Variants in NR3C1 observed in about 807,000 individuals in gnomAD.
NR3C1 encodes glucocorticoid receptor.
NR3C1 carries 14 observed loss-of-function variants against 74.0 expected under a neutral mutation model. The ratio of observed to expected loss-of-function variants is 0.19; its 90% CI spans 0.12 to 0.30. The LOEUF is 0.30. NR3C1 is among the 10% of genes least tolerant of loss of function. The probability of loss-of-function intolerance (pLI) is 1.00; values close to 1 mark genes in which losing one functional copy is unlikely to be tolerated. For missense variants in NR3C1, 695 were observed against 909.8 expected, an observed-to-expected ratio of 0.76 and a Z score of 3.04; for synonymous variants, 308 against 332.5, an observed-to-expected ratio of 0.93 and a Z score of 0.80.
intron 2 of NR3C1, among the ~76,000 whole-genome samples, chr5:143,336,801 T>C (rs1383667541): frequency 6.6e-6 from 1 of 151,662 alleles, no homozygotes; most frequent in African/African-American, 2.4e-5. Context: ...CCTGTCAACA[T>C]GGCGAAACCC....
intron 2 of NR3C1, among the ~76,000 whole-genome samples, chr5:143,346,734 T>C (rs925282593): frequency 1.3e-5 from 2 of 152,214 alleles, no homozygotes; most frequent in African/African-American, 4.8e-5. Context: ...TTCAAAAACT[T>C]AACACAACTA....
At chr5:143,289,652 T>C (rs780034639) in intron 7 of NR3C1, among the ~76,000 whole-genome samples, 3 of 152,146 alleles carry the variant, frequency 2.0e-5, no homozygotes, top group African/African-American at 4.8e-5. Flanking sequence ...AAGGGCCACA[T>C]TGAGAATATT....
rs201307753 is a variant in NR3C1, at chr5:143,373,908, TG to T, written c.1184+25747del. On this transcript the variant is annotated intron_variant, in intron 2 of 8. Coordinates refer to ENST00000394464, the MANE Select transcript of NR3C1 (RefSeq NM_000176.3). ...TCTTACACACATATATTTTCCTATG[TG>T]TATGAAATAAAAAAAATTTAAAAAA... is the stretch of plus-strand genomic sequence containing the variant. Among the ~76,000 whole-genome samples the T allele has an allele frequency of 1.0e-3, 155 of 152,214 alleles. 3 individuals carry two copies. In the East Asian group the frequency reaches 0.022, roughly 22 times the overall value.
Position 143,363,503 on chromosome 5 carries a change from G to T in NR3C1, c.1184+36153C>A, listed in dbSNP as rs10040972. Among the ~76,000 whole-genome samples the T allele has an allele frequency of 4.2e-3, 636 of 152,196 alleles. 2 individuals are homozygous for T. Among genetic ancestry groups the T allele is most frequent in the African/African-American group, 0.015 (610 of 41,530 alleles). On this transcript the variant is annotated intron_variant, in intron 2 of 8. Transcript: ENST00000394464. ...TAAAATCATTGCGTGAACCCAGGAG[G>T]TGGAGCTTGCAGTGAGCTGAGATCG...
intron 2 of NR3C1, among the ~76,000 whole-genome samples, chr5:143,387,137 T>TG (rs1344708462): frequency 6.6e-6 from 1 of 152,210 alleles, no homozygotes; most frequent in Non-Finnish European, 1.5e-5. Context: ...CCTGTTGTGT[T>TG]GGCTTCTCAG....
intron 2 of NR3C1, among the ~76,000 whole-genome samples, chr5:143,335,090 T>C (rs1041021602): frequency 1.3e-5 from 2 of 152,218 alleles, no homozygotes; most frequent in Non-Finnish European, 2.9e-5. Context: ...AAATGACTGG[T>C]TGACGCTATT....
chr5:143,391,964 CT>C (rs530897697), intron 2 of NR3C1, among the ~76,000 whole-genome samples: 12 of 149,336 alleles, frequency 8.0e-5, no homozygotes, highest in Admixed American at 4.0e-4. Flanking sequence ...ATTTTCTTTT[CT>C]TTTTTTTTTC....
chr5:143,345,434 T>A (rs1019365337), intron 2 of NR3C1, among the ~76,000 whole-genome samples: 3 of 152,160 alleles, frequency 2.0e-5, no homozygotes, highest in African/African-American at 7.2e-5. Flanking sequence ...GGTGTTGAAC[T>A]CCTGACCTCC....
At chr5:143,408,263 G>A (rs1286772459), upstream of NR3C1, among the ~76,000 whole-genome samples, 1 of 152,134 alleles carries the variant, frequency 6.6e-6, no homozygotes. Flanking sequence ...CCTTGGGCAG[G>A]CTAACTCTCT....
At chr5:143,377,860 A>G (rs1835492382) in intron 2 of NR3C1, among the ~76,000 whole-genome samples, 1 of 152,230 alleles carries the variant, frequency 6.6e-6, no homozygotes, top group Non-Finnish European at 1.5e-5. Context: ...ATATGAAATT[A>G]GCATTAATCA....
At chr5:143,309,229 C>T (rs561427839) in intron 4 of NR3C1, among the ~76,000 whole-genome samples, 1 of 152,062 alleles carries the variant, frequency 6.6e-6, no homozygotes, top group East Asian at 1.9e-4. Context: ...GACACCACCA[C>T]GCTCCGCTAA....
intron 2 of NR3C1, among the ~76,000 whole-genome samples, chr5:143,388,776 G>A (rs145291602): frequency 3.2e-4 from 48 of 152,166 alleles, no homozygotes; most frequent in African/African-American, 1.1e-3. Context: ...TAGACAATAA[G>A]GATATTCTTA....
intron 8 of NR3C1, among the ~76,000 whole-genome samples, 199 bp downstream of exon 8, chr5:143,282,369 T>G (rs1813290757): frequency 2.7e-5 from 4 of 148,664 alleles, no homozygotes; most frequent in African/African-American, 7.5e-5. Flanking sequence ...TACACATGAC[T>G]AGGTGAAAGG....
intron 1 of NR3C1, 130 bp downstream of exon 1, chr5:143,403,081 C>T: frequency 1.3e-6 from 1 of 770,008 alleles, no homozygotes; most frequent in Non-Finnish European, 1.6e-6. Flanking sequence ...CCCTTGCCAG[C>T]CCCCCACCCC....
At chr5:143,382,403 T>G (rs1465814656) in intron 2 of NR3C1, among the ~76,000 whole-genome samples, 1 of 152,238 alleles carries the variant, frequency 6.6e-6, no homozygotes, top group African/African-American at 2.4e-5. Context: ...AAGGCTTATC[T>G]TATGAACAGC....
intron 2 of NR3C1, among the ~76,000 whole-genome samples, chr5:143,392,028 C>A (rs552120220): frequency 6.6e-6 from 1 of 151,912 alleles, no homozygotes; most frequent in South Asian, 2.1e-4. Flanking sequence ...TGCAGTGGTG[C>A]AACCTCGGCT....
At chr5:143,390,634 A>G (rs997765426) in intron 2 of NR3C1, among the ~76,000 whole-genome samples, 1 of 152,196 alleles carries the variant, frequency 6.6e-6, no homozygotes, top group African/African-American at 2.4e-5. Flanking sequence ...AATAACTTCA[A>G]GAAAACACAA....
Position 143,399,837 on chromosome 5 carries a change from C to T in NR3C1, c.1003G>A (p.Asp335Asn), listed in dbSNP as rs1839920941. Reference sequence around the variant, plus strand: ...TGAGAAAGGGATGCTGTATTCATGTCATAGTGGTACATCTGTCCTCCAGAG... The same window carrying T: ...TGAGAAAGGGATGCTGTATTCATGTTATAGTGGTACATCTGTCCTCCAGAG... ...STSGGQMYHY[D>N]MNTASLSQQQ... is the part of the protein sequence containing the mutation. The change falls in exon 2 of 9, where the codon GAC (aspartate) becomes AAC (asparagine). Residue 335 changes from aspartate (D) to asparagine (N), a missense_variant. Coordinates refer to ENST00000394464, the MANE Select transcript of NR3C1 (RefSeq NM_000176.3). 2 of 1,614,048 alleles carry T rather than the reference C, an allele frequency of 1.2e-6. No individual in the cohort carries two copies. Among genetic ancestry groups the T allele is most frequent in the Admixed American group, 1.7e-5 (1 of 60,006 alleles).
At chr5:143,404,957 C>T (rs1227029219), upstream of NR3C1, among the ~76,000 whole-genome samples, 1 of 152,182 alleles carries the variant, frequency 6.6e-6, no homozygotes, top group Non-Finnish European at 1.5e-5. Context: ...AAAATGCCAG[C>T]GTTCAACTCC....
Sources: gnomAD v4.1 joint callset for allele counts (sites outside exome capture counted in the v4.1 genomes callset) on GRCh38, gnomAD v4.1.1 for gene constraint, MANE v1.5 for transcripts, NCBI Gene and HGNC (gene_info 2026-07-23, HGNC 2026-07-21) for gene names.